NOTCH2: variants seen among roughly 807,000 people sequenced by gnomAD.
NOTCH2 encodes the protein neurogenic locus notch homolog protein 2.
Under a neutral mutation model 235.8 loss-of-function variants are expected in NOTCH2, and 29 were observed. The ratio of observed to expected loss-of-function variants is 0.12; its 90% CI spans 0.09 to 0.17. The LOEUF is 0.17. Ranked by LOEUF, NOTCH2 falls within the 10% of genes least tolerant of loss-of-function variation. The probability of loss-of-function intolerance (pLI) is 1.00; values close to 1 mark genes in which losing one functional copy is unlikely to be tolerated. For synonymous variants in NOTCH2, 1,086 were observed against 1,141.5 expected (o/e 0.95, Z 0.98); for missense variants, 2,285 against 3,150.2 (o/e 0.73, Z 6.57).
intron 5 of NOTCH2, among the ~76,000 whole-genome samples, chr1:119,971,965 G>A (rs1424839955): frequency 6.6e-6 from 1 of 151,396 alleles, no homozygotes; most frequent in African/African-American, 2.4e-5. Context: ...GGGAGGTAAT[G>A]AGGGTAATGA....
At chr1:119,927,605 C>T (rs1452709616) in intron 23 of NOTCH2, among the ~76,000 whole-genome samples, 1 of 152,072 alleles carries the variant, frequency 6.6e-6, no homozygotes, top group African/African-American at 2.4e-5. Flanking sequence ...AAAGTGGTCT[C>T]CATTCCTTCC....
rs1191107268 is a variant in NOTCH2 at position 119,963,652 on chromosome 1, T to C, written c.1837A>G (p.Ser613Gly). 6 of 1,614,174 alleles carry C rather than the reference T, an allele frequency of 3.7e-6. No individual in the cohort carries two copies. In the African/African-American group the frequency reaches 5.3e-5, roughly 14 times the overall value. ...CGACCATCGTTCAGGCAAGGGCTGC[T>C]GTAACATTCATCAATCTGGTCACTG... ...ICSDQIDECY[S>G]SPCLNDGRCI... The change falls in exon 11 of 34, where the codon AGC becomes GGC. Residue 613 changes from serine to glycine, a missense_variant. Ser to Gly is a moderately conservative substitution (Grantham distance 56). Coordinates refer to ENST00000256646, the MANE Select transcript of NOTCH2 (RefSeq NM_024408.4).
chr1:120,047,952 G>C (rs782591419), intron 1 of NOTCH2, among the ~76,000 whole-genome samples: 4 of 148,342 alleles, frequency 2.7e-5, no homozygotes, highest in Non-Finnish European at 6.0e-5. Context: ...TTTTTCCGTA[G>C]AGACGGGGTT....
intron 4 of NOTCH2, 62 bp downstream of exon 4, chr1:119,996,935 A>G (rs1553204266): frequency 1.0e-5 from 16 of 1,576,600 alleles, no homozygotes; most frequent in Non-Finnish European, 1.3e-5. Context: ...ATTGAGCCAC[A>G]CCCACTACCT....
At position 120,023,332 on chromosome 1, in the gene NOTCH2, G is replaced by A. The variant is rs587634453; in HGVS notation, c.155+6574C>T. ...GGCGCTTGTAGTCCCGGCTACTTGA[G>A]AGGCTGAGGCAGGAGAATGGCAAGA... is the stretch of plus-strand genomic sequence containing the variant. On this transcript the variant is annotated intron_variant, in intron 2 of 33. Transcript: ENST00000256646. Among the ~76,000 whole-genome samples the A allele has an allele frequency of 2.7e-3, 413 of 151,336 alleles. 2 individuals are homozygous for A. Among genetic ancestry groups the A allele is most frequent in the African/African-American group, 9.5e-3 (392 of 41,130 alleles).
At chr1:120,027,739 T>G (rs587605579) in intron 2 of NOTCH2, among the ~76,000 whole-genome samples, 1 of 151,704 alleles carries the variant, frequency 6.6e-6, no homozygotes, top group South Asian at 2.1e-4. Context: ...TGGTTTTCTG[T>G]TCCTGTGTTA....
intron 3 of NOTCH2, among the ~76,000 whole-genome samples, chr1:120,000,493 C>A (rs1266526655): frequency 2.1e-5 from 3 of 141,476 alleles, no homozygotes; most frequent in Admixed American, 6.9e-5. Flanking sequence ...GAGATTGTGC[C>A]CTGCACTCCA....
At chr1:119,980,537 T>C (rs1396699251) in intron 5 of NOTCH2, among the ~76,000 whole-genome samples, 1 of 152,222 alleles carries the variant, frequency 6.6e-6, no homozygotes, top group Non-Finnish European at 1.5e-5. Flanking sequence ...AGCCTACTTT[T>C]TCCTTTAACT....
chr1:119,912,170 C>T lies in NOTCH2; in HGVS notation c.*3136G>A, dbSNP rs772542444. On this transcript the variant is annotated 3_prime_UTR_variant, in exon 34 of 34. Transcript: ENST00000256646. ...AACAAAGTGTGCATTTTCCTTACTA[C>T]GTTTAGTCAGGAATATGCGGTCATT... 4 of 233,274 alleles carry T rather than the reference C, an allele frequency of 1.7e-5. No homozygotes were observed. Among genetic ancestry groups the T allele is most frequent in the African/African-American group, 6.6e-5 (3 of 45,304 alleles). 14.5% of individuals were successfully genotyped at this position (233,274 alleles called of 1,614,324 possible).
intron 1 of NOTCH2, 34 bp downstream of exon 1, chr1:120,069,300 C>G (rs781955588): frequency 9.1e-6 from 14 of 1,539,524 alleles, no homozygotes; most frequent in African/African-American, 5.5e-5. Context: ...CAGCCCCGGG[C>G]GCCGCGGACA....
chr1:120,064,430 C>G (rs1570799572), intron 1 of NOTCH2, among the ~76,000 whole-genome samples: 1 of 151,046 alleles, frequency 6.6e-6, no homozygotes, highest in African/African-American at 2.4e-5. Context: ...TCAACTGATC[C>G]TATCTCTTCA....
At chr1:119,976,349 C>G (rs1431565706) in intron 5 of NOTCH2, 4 of 151,276 alleles carry the variant, frequency 2.6e-5, no homozygotes, top group Non-Finnish European at 5.9e-5. Context: ...GAACAAAGAA[C>G]AAGCTTGAGT....
chr1:119,951,021 G>A (rs1483600020), intron 14 of NOTCH2, among the ~76,000 whole-genome samples, 184 bp from the exon 15 acceptor site: 1 of 152,204 alleles, frequency 6.6e-6, no homozygotes, highest in African/African-American at 2.4e-5. Flanking sequence ...GTAAATGACA[G>A]CAATTAGTTG....
chr1:119,975,782 A>C (rs1192339301), intron 5 of NOTCH2, among the ~76,000 whole-genome samples: 1 of 152,192 alleles, frequency 6.6e-6, no homozygotes, highest in Non-Finnish European at 1.5e-5. Flanking sequence ...TGAGCCAAAG[A>C]CCATGAAACA....
At chr1:119,950,593 AG>A in intron 15 of NOTCH2, 130 bp downstream of exon 15, 1 of 738,890 alleles carries the variant, frequency 1.4e-6, no homozygotes, top group East Asian at 2.5e-5. Context: ...CAGTAAAGGC[AG>A]GAAGGACAAC....
chr1:119,991,789 TGCA>T (rs1652254917), intron 4 of NOTCH2, among the ~76,000 whole-genome samples: 1 of 86,098 alleles, frequency 1.2e-5, no homozygotes, highest in Non-Finnish European at 2.1e-5. Context: ...ATAGCGCCAT[TGCA>T]CTCCAGCCTG....
rs1652933455 is a variant in NOTCH2 at position 120,005,429 on chromosome 1, T to C, written c.315A>G (p.Thr105=). 1 of 1,613,908 alleles carries C rather than the reference T, an allele frequency of 6.2e-7. No homozygotes were observed. The highest frequency in any genetic ancestry group is 1.3e-5 in the African/African-American group (1 of 74,952). ...GTCGAGACACAAAGCATGGATGAGATGTTGAGTACTGGCAGTCCTCTCCTG... is the reference window on the plus strand; with the variant it reads ...GTCGAGACACAAAGCATGGATGAGACGTTGAGTACTGGCAGTCCTCTCCTG... ...GFTGEDCQYS[T]SHPCFVSRPC... is the part of the protein sequence containing the mutation. The change falls in exon 3 of 34, where the codon ACA becomes ACG. Residue 105 remains threonine, a synonymous_variant. Transcript: ENST00000256646.
Position 119,925,640 on chromosome 1 carries a change from C to T in NOTCH2, c.4176G>A (p.Gln1392=). 1 of 1,613,058 alleles carries T rather than the reference C, an allele frequency of 6.2e-7. No individual in the cohort carries two copies. The highest frequency in any genetic ancestry group is 8.5e-7 in the Non-Finnish European group (1 of 1,179,144). Residue 1392 remains glutamine (Q), a synonymous_variant, in exon 25 of 34, where the codon CAG becomes CAA. Transcript: ENST00000256646. ...GGCAGGAGTAATAAGGAGGCTGGCG[C>T]TGAGGGTGGCAGCTGCCCCCGTGCT... ...PCQHGGSCHP[Q]RQPPYYSCQC...
intron 1 of NOTCH2, among the ~76,000 whole-genome samples, chr1:120,045,714 GT>G (rs1174345135): frequency 5.3e-5 from 8 of 152,276 alleles, no homozygotes; most frequent in Admixed American, 1.3e-4. Context: ...CAAGTATACA[GT>G]TTTTTAATTG....
Sources: gnomAD v4.1 joint callset for allele counts (sites outside exome capture counted in the v4.1 genomes callset) on GRCh38, gnomAD v4.1.1 for gene constraint, MANE v1.5 for transcripts, NCBI Gene and HGNC (gene_info 2026-07-23, HGNC 2026-07-21) for gene names.